ERBB4: variants seen among roughly 807,000 people sequenced by gnomAD.
ERBB4 encodes erb-b2 receptor tyrosine kinase 4.
In ERBB4, 42 loss-of-function variants were observed where a neutral mutation model predicts 158.0. That is an observed-to-expected ratio of 0.27 (90% CI 0.21 to 0.34). The LOEUF (loss-of-function observed/expected upper bound fraction) is 0.34, where lower values mean the gene tolerates loss of function less well. Among genes scored for constraint, ERBB4 ranks in the 10% least tolerant of loss-of-function variants. The pLI is 1.00. For synonymous variants in ERBB4, 583 were observed against 558.7 expected, an observed-to-expected ratio of 1.04 and a Z score of -0.61; for missense variants, 1,333 against 1,624.1, an observed-to-expected ratio of 0.82 and a Z score of 3.08.
chr2:211,667,713 G>T (rs149096973), intron 14 of ERBB4, among the ~76,000 whole-genome samples: 13 of 152,218 alleles, frequency 8.5e-5, no homozygotes, highest in African/African-American at 2.9e-4. Flanking sequence ...AGTAAATTAG[G>T]CAGAGTCTGA....
At chr2:212,468,447 G>T (rs1004256925) in intron 1 of ERBB4, among the ~76,000 whole-genome samples, 2 of 152,260 alleles carry the variant, frequency 1.3e-5, no homozygotes, top group Admixed American at 1.3e-4. Flanking sequence ...CAATCTGATG[G>T]TTTTAAAAAT....
intron 1 of ERBB4, among the ~76,000 whole-genome samples, chr2:212,132,909 C>T (rs1026894543): frequency 3.9e-5 from 6 of 152,170 alleles, no homozygotes; most frequent in South Asian, 2.1e-4. Flanking sequence ...CCCTTGTTAA[C>T]GTGGCACACA....
At chr2:212,410,095 T>C (rs564815093) in intron 1 of ERBB4, among the ~76,000 whole-genome samples, 20 of 152,042 alleles carry the variant, frequency 1.3e-4, no homozygotes, top group Admixed American at 2.6e-4. Flanking sequence ...CATCTGTATT[T>C]TGAAGTATTT....
intron 19 of ERBB4, among the ~76,000 whole-genome samples, chr2:211,564,746 C>G (rs758571151): frequency 6.6e-6 from 1 of 151,838 alleles, no homozygotes; most frequent in South Asian, 2.1e-4. Flanking sequence ...TATGGAAATA[C>G]AAAAAATACA....
At chr2:211,977,832 C>A (rs1156479995) in intron 2 of ERBB4, among the ~76,000 whole-genome samples, 1 of 137,746 alleles carries the variant, frequency 7.3e-6, no homozygotes, top group Non-Finnish European at 1.5e-5. Flanking sequence ...GCACTCCAGC[C>A]CGGGCAACAG....
chr2:212,146,884 G>T (rs1197661380), intron 1 of ERBB4, among the ~76,000 whole-genome samples: 1 of 151,794 alleles, frequency 6.6e-6, no homozygotes, highest in Non-Finnish European at 1.5e-5. Context: ...ATCTAAAAAG[G>T]CATTGGTTAA....
At chr2:211,807,389 C>T (rs71437534) in intron 3 of ERBB4, among the ~76,000 whole-genome samples, 2 of 152,074 alleles carry the variant, frequency 1.3e-5, no homozygotes, top group South Asian at 4.2e-4. Context: ...TGAGAACACG[C>T]GATGTTTGGT....
At chr2:212,168,005 CACGTAT>C (rs1268381915) in intron 1 of ERBB4, among the ~76,000 whole-genome samples, 1 of 151,138 alleles carries the variant, frequency 6.6e-6, no homozygotes, top group Admixed American at 6.6e-5. Context: ...CACCATGGCA[CACGTAT>C]ACCTATGTAA....
intron 20 of ERBB4, among the ~76,000 whole-genome samples, chr2:211,449,230 C>G (rs1009519600): frequency 1.3e-5 from 2 of 152,034 alleles, no homozygotes; most frequent in African/African-American, 4.8e-5. Flanking sequence ...CAGTATTGTT[C>G]TGAAATGTTT....
At chr2:212,189,857 A>C (rs946584062) in intron 1 of ERBB4, among the ~76,000 whole-genome samples, 1 of 152,178 alleles carries the variant, frequency 6.6e-6, no homozygotes, top group Admixed American at 6.5e-5. Flanking sequence ...GACTTCAAGG[A>C]GTTAAAAAAA....
chr2:211,871,894 G>C (rs1282751122), intron 3 of ERBB4, among the ~76,000 whole-genome samples: 1 of 152,132 alleles, frequency 6.6e-6, no homozygotes, highest in Admixed American at 6.5e-5. Flanking sequence ...TATGGAGAGA[G>C]AGGGAGGAGA....
chr2:211,972,435 G>A (rs548527921), intron 2 of ERBB4, among the ~76,000 whole-genome samples: 2 of 152,274 alleles, frequency 1.3e-5, no homozygotes, highest in African/African-American at 4.8e-5. Flanking sequence ...AATAAGACCT[G>A]CATAGCCAAG....
intron 2 of ERBB4, among the ~76,000 whole-genome samples, chr2:212,022,561 A>G (rs2076677856): frequency 6.6e-6 from 1 of 151,996 alleles, no homozygotes; most frequent in African/African-American, 2.4e-5. Context: ...GAGCATCAGG[A>G]AAAAGAGCTA....
chr2:212,018,212 C>G lies in ERBB4; in HGVS notation c.235-70596G>C, dbSNP rs528959926. ...AAGGAATATTGTGAGGAGGGACTTA[C>G]AGAGTCATCCAACAAGCCACAGCAG... On this transcript the variant is annotated intron_variant, in intron 2 of 27. Transcript: ENST00000342788. Among the ~76,000 whole-genome samples, 7 of 152,254 alleles carry G rather than the reference C, an allele frequency of 4.6e-5. No homozygotes were observed. In the South Asian group the frequency reaches 1.5e-3, roughly 32 times the overall value.
At chr2:211,732,906 G>A (rs1250307490) in intron 5 of ERBB4, among the ~76,000 whole-genome samples, 1 of 152,204 alleles carries the variant, frequency 6.6e-6, no homozygotes, top group Non-Finnish European at 1.5e-5. Context: ...AAACCCGGGA[G>A]GCGGAGGTTG....
intron 1 of ERBB4, among the ~76,000 whole-genome samples, chr2:212,432,886 A>G (rs1288678548): frequency 6.6e-6 from 1 of 152,078 alleles, no homozygotes; most frequent in Non-Finnish European, 1.5e-5. Context: ...GAGGATAGTA[A>G]TGGCAGCCAC....
At chr2:212,335,189 T>C (rs1304297430) in intron 1 of ERBB4, among the ~76,000 whole-genome samples, 1 of 151,916 alleles carries the variant, frequency 6.6e-6, no homozygotes, top group African/African-American at 2.4e-5. Flanking sequence ...ATTTAAACGA[T>C]AAAGGTTCTA....
At chr2:212,015,351 A>G (rs1360736396) in intron 2 of ERBB4, among the ~76,000 whole-genome samples, 1 of 151,840 alleles carries the variant, frequency 6.6e-6, no homozygotes, top group Admixed American at 6.6e-5. Flanking sequence ...CTAAAATGTA[A>G]ATCTGTTTTT....
chr2:211,562,585 T>C (rs1341091830), intron 19 of ERBB4, among the ~76,000 whole-genome samples: 1 of 152,170 alleles, frequency 6.6e-6, no homozygotes, highest in Non-Finnish European at 1.5e-5. Flanking sequence ...TATGGAAATG[T>C]AGATAATTAC....
Sources: allele counts gnomAD v4.1 joint callset (sites outside exome capture counted in the v4.1 genomes callset), GRCh38; gene constraint gnomAD v4.1.1; transcripts MANE v1.5; gene names NCBI Gene and HGNC (gene_info 2026-07-23, HGNC 2026-07-21).